Variants in PCDH15 observed in about 807,000 individuals in gnomAD.
PCDH15 encodes the protein protocadherin-15.
In PCDH15, 129 loss-of-function variants were observed where a neutral mutation model predicts 178.5. The ratio of observed to expected loss-of-function variants is 0.72; its 90% CI spans 0.63 to 0.84. PCDH15 has a LOEUF of 0.84. Ranked by LOEUF, PCDH15 falls within the 40% of genes least tolerant of loss-of-function variation. PCDH15 has a pLI of 0.00. For synonymous variants in PCDH15, 800 were observed against 732.0 expected, an observed-to-expected ratio of 1.09 and a Z score of -1.50; for missense variants, 2,230 against 2,099.9, an observed-to-expected ratio of 1.06 and a Z score of -1.21.
At position 54,414,949 on chromosome 10, in the gene PCDH15, C is replaced by T. The variant is rs190036744; in HGVS notation, c.158-36007G>A. On this transcript the variant is annotated intron_variant, in intron 3 of 37. Coordinates refer to ENST00000644397, the MANE Select transcript of PCDH15 (RefSeq NM_001384140.1). ...TAAATGAACAACATAAAACCAGGAA[C>T]GTATTAGAAAAAAAATTGGTAAGTA... 1.4e-3 allele frequency among the ~76,000 whole-genome samples: 211 copies of T among 151,538 alleles called. 1 individual carries two copies. Among genetic ancestry groups the T allele is most frequent in the Middle Eastern group, 6.8e-3 (2 of 292 alleles).
At chr10:53,917,342 T>A (rs1164228009) in intron 25 of PCDH15, among the ~76,000 whole-genome samples, 1 of 152,186 alleles carries the variant, frequency 6.6e-6, no homozygotes, top group Non-Finnish European at 1.5e-5. Flanking sequence ...TATGTCTGAA[T>A]AGACCATTAA....
intron 15 of PCDH15, among the ~76,000 whole-genome samples, chr10:54,118,781 T>TTA (rs1221212788): frequency 2.0e-5 from 3 of 151,752 alleles, no homozygotes; most frequent in Non-Finnish European, 2.9e-5. Flanking sequence ...TATTTTTATT[T>TTA]TTTTTTGTCA....
rs572036508 is a variant in PCDH15 at position 54,223,576 on chromosome 10, C to T, written c.986-9528G>A. On this transcript the variant is annotated intron_variant, in intron 9 of 37. Transcript: ENST00000644397. Reference sequence around the variant, plus strand: ...CATATTATTTTTGAAGTGTTTATACCTTAACAGTTTTTTCTCATAGCTGTA... The same window carrying T: ...CATATTATTTTTGAAGTGTTTATACTTTAACAGTTTTTTCTCATAGCTGTA... Among the ~76,000 whole-genome samples, 353 of 140,476 alleles carry T rather than the reference C, an allele frequency of 2.5e-3. 1 individual carries two copies. The highest frequency in any genetic ancestry group is 8.7e-3 in the African/African-American group (342 of 39,314). The allele number at this position is 140,476 out of a possible 152,430, so 92.2% of individuals were successfully genotyped here.
chr10:55,390,878 T>A (rs748856912), intron 2 of PCDH15, among the ~76,000 whole-genome samples: 2 of 152,210 alleles, frequency 1.3e-5, no homozygotes, highest in African/African-American at 2.4e-5. Flanking sequence ...AAAACAGATG[T>A]ACAATCTTTG....
At chr10:54,853,404 C>CATAA (rs1564570670) in intron 3 of PCDH15, among the ~76,000 whole-genome samples, 4 of 89,810 alleles carry the variant, frequency 4.5e-5, no homozygotes, top group African/African-American at 1.5e-4. Flanking sequence ...TATACACACA[C>CATAA]ATATATATAC....
At chr10:55,307,482 A>G (rs1843459812) in intron 1 of PCDH15, among the ~76,000 whole-genome samples, 2 of 151,840 alleles carry the variant, frequency 1.3e-5, no homozygotes, top group South Asian at 4.2e-4. Context: ...CAGCCTGGGC[A>G]ACAGAGCAGA....
rs552617339 is a variant in PCDH15, at chr10:53,924,240, C to T, written c.3373+14575G>A. ...GGCGCTCGCGAGCCAGCGTGAGTTCCGGTGGGCATGGGCTTGGTGGACTCC... is the reference window on the plus strand; with the variant it reads ...GGCGCTCGCGAGCCAGCGTGAGTTCTGGTGGGCATGGGCTTGGTGGACTCC... On this transcript the variant is annotated intron_variant, in intron 25 of 37. Coordinates refer to ENST00000644397, the MANE Select transcript of PCDH15 (RefSeq NM_001384140.1). Among the ~76,000 whole-genome samples, 566 of 152,306 alleles carry T rather than the reference C, an allele frequency of 3.7e-3. 1 individual carries two copies. Among genetic ancestry groups the T allele is most frequent in the African/African-American group, 0.013 (547 of 41,568 alleles).
chr10:54,529,836 T>C (rs117845527), intron 2 of PCDH15, among the ~76,000 whole-genome samples: 233 of 152,228 alleles, frequency 1.5e-3, no homozygotes, highest in Non-Finnish European at 2.6e-3. Context: ...AATTATTATG[T>C]ACATAGAAAT....
At chr10:55,255,104 C>T (rs1841955152) in intron 1 of PCDH15, among the ~76,000 whole-genome samples, 1 of 152,162 alleles carries the variant, frequency 6.6e-6, no homozygotes, top group Non-Finnish European at 1.5e-5. Context: ...CCTCCCCAAT[C>T]CCTCCACCCC....
chr10:55,056,475 C>T (rs1841306151), intron 2 of PCDH15, among the ~76,000 whole-genome samples: 1 of 151,848 alleles, frequency 6.6e-6, no homozygotes, highest in Non-Finnish European at 1.5e-5. Context: ...CATTAACTTG[C>T]AATTTAAGTA....
At chr10:55,129,357 G>A (rs1837984928) in intron 2 of PCDH15, among the ~76,000 whole-genome samples, 2 of 152,074 alleles carry the variant, frequency 1.3e-5, no homozygotes, top group South Asian at 4.1e-4. Context: ...CAATGCCAGA[G>A]AAGAACTGTG....
intron 2 of PCDH15, among the ~76,000 whole-genome samples, chr10:54,937,664 T>C (rs1311771386): frequency 6.6e-6 from 1 of 151,992 alleles, no homozygotes; most frequent in Non-Finnish European, 1.5e-5. Flanking sequence ...GATGTCGATC[T>C]TAGACTCTGC....
chr10:55,466,775 A>T, intron 2 of PCDH15, among the ~76,000 whole-genome samples: 1 of 152,162 alleles, frequency 6.6e-6, no homozygotes, highest in East Asian at 1.9e-4. Context: ...AACAGTTCCC[A>T]TTCTCCCCAG....
Position 53,807,094 on chromosome 10 carries a change from G to A in PCDH15, c.4708C>T (p.Arg1570Ter), listed in dbSNP as rs770416107. ...CCAGTTGAGCTGGTTTCATACTCTC[G>A]ATCAACAACTAACTTGATCATTCTT... ...RKRMIKLVVD[R>*]EYETSSTGED... The change falls in exon 38 of 38, where the codon CGA becomes TGA. Residue 1570 changes from arginine (R) to a stop codon, truncating the protein, a stop_gained. Transcript: ENST00000644397. LOFTEE classifies it high-confidence loss of function. 5.0e-6 allele frequency: 8 copies of A among 1,611,136 alleles called. No individual in the cohort carries two copies. The highest frequency in any genetic ancestry group is 1.7e-5 in the Admixed American group (1 of 59,544).
chr10:55,326,262 T>C (rs1214525365), intron 2 of PCDH15, among the ~76,000 whole-genome samples: 1 of 152,160 alleles, frequency 6.6e-6, no homozygotes, highest in Non-Finnish European at 1.5e-5. Context: ...TTAATTATTC[T>C]GTCAAAAAGA....
intron 2 of PCDH15, among the ~76,000 whole-genome samples, chr10:55,124,488 C>G (rs1837849496): frequency 6.6e-6 from 1 of 152,120 alleles, no homozygotes; most frequent in Admixed American, 6.6e-5. Context: ...GCTAAACCCA[C>G]AGCATATATT....
chr10:55,584,355 C>T (rs1842681405), intron 2 of PCDH15, among the ~76,000 whole-genome samples: 1 of 78,460 alleles, frequency 1.3e-5, no homozygotes, highest in Admixed American at 1.2e-4. Context: ...TGGAAGTTTC[C>T]TTAAAAAAAA....
chr10:55,030,076 G>A (rs1269176032), intron 2 of PCDH15, among the ~76,000 whole-genome samples: 2 of 152,116 alleles, frequency 1.3e-5, no homozygotes, highest in Non-Finnish European at 2.9e-5. Flanking sequence ...TCTTACACAA[G>A]TTAGGCTGAT....
At chr10:55,217,741 G>T (rs1488885825) in intron 1 of PCDH15, among the ~76,000 whole-genome samples, 1 of 151,772 alleles carries the variant, frequency 6.6e-6, no homozygotes, top group Non-Finnish European at 1.5e-5. Context: ...AAAAAAAACT[G>T]CTAGCCATCA....
Sources: gnomAD v4.1 joint callset for allele counts (sites outside exome capture counted in the v4.1 genomes callset) on GRCh38, gnomAD v4.1.1 for gene constraint, MANE v1.5 for transcripts, NCBI Gene and HGNC (gene_info 2026-07-23, HGNC 2026-07-21) for gene names.